Variants in KAT14 observed in about 807,000 individuals in gnomAD.
The protein encoded by KAT14 is lysine acetyltransferase 14.
In KAT14, 66 loss-of-function variants were observed where a neutral mutation model predicts 78.4. The observed-to-expected ratio is 0.84, with a 90% CI of 0.69 to 1.03. The LOEUF (loss-of-function observed/expected upper bound fraction) is 1.03. Among genes scored for constraint, KAT14 ranks in the 50% least tolerant of loss-of-function variants. The pLI is 0.00. For synonymous variants in KAT14, 344 were observed against 359.4 expected (o/e 0.96, Z 0.48); for missense variants, 870 against 972.5 (o/e 0.89, Z 1.40).
rs572986807 is a variant in KAT14, at chr20:18,150,948, G to A, written c.500+6G>A. 4 of 1,613,358 alleles carry A rather than the reference G, an allele frequency of 2.5e-6. No homozygotes were observed. The highest frequency in any genetic ancestry group is 1.7e-6 in the Non-Finnish European group (2 of 1,179,536). Reference sequence around the variant, plus strand: ...ACTTTTTTACTAGGGAATAGGTAATGTGTTTTTAAAAAATCTTATACTTCA... The same window carrying A: ...ACTTTTTTACTAGGGAATAGGTAATATGTTTTTAAAAAATCTTATACTTCA... On this transcript the variant is annotated splice_donor_region_variant and intron_variant, in intron 4 of 10. Transcript: ENST00000688188.
chr20:18,157,436 TTC>T (rs1201107816), intron 4 of KAT14, among the ~76,000 whole-genome samples: 4 of 152,192 alleles, frequency 2.6e-5, no homozygotes, highest in Admixed American at 1.3e-4. Flanking sequence ...TTGCCCAGAC[TTC>T]TGTTTGTTTA....
Position 18,162,435 on chromosome 20 carries a change from C to T in KAT14, c.1158C>T (p.Pro386=). The T allele has an allele frequency of 6.2e-7, 1 of 1,614,086 alleles. No individual in the cohort carries two copies. Among genetic ancestry groups the T allele is most frequent in the Non-Finnish European group, 8.5e-7 (1 of 1,180,010 alleles). ...ACCCAGGGATGGAGTACGTCCCACCCCCTGCTGGGTCAGTAGCTTCTGGGC... is the reference window on the plus strand; with the variant it reads ...ACCCAGGGATGGAGTACGTCCCACCTCCTGCTGGGTCAGTAGCTTCTGGGC... ...VIDPGMEYVP[P]PAGSVASGPV... is the part of the protein sequence containing the mutation. Residue 386 remains proline (P), a synonymous_variant, in exon 7 of 11, where the codon CCC becomes CCT. Transcript: ENST00000688188.
At chr20:18,154,040 C>A (rs552271818) in intron 4 of KAT14, among the ~76,000 whole-genome samples, 2 of 152,290 alleles carry the variant, frequency 1.3e-5, no homozygotes, top group African/African-American at 2.4e-5. Context: ...AATTAGAAAT[C>A]ACTTTATGAT....
intron 7 of KAT14, among the ~76,000 whole-genome samples, chr20:18,173,584 C>CAAAA (rs2038930277): frequency 6.6e-6 from 1 of 150,974 alleles, no homozygotes; most frequent in Non-Finnish European, 1.5e-5. Flanking sequence ...TTTATCTTTT[C>CAAAA]CTCTTCTGCA....
At chr20:18,145,425 CT>C in intron 3 of KAT14, 74 bp downstream of exon 3, 2 of 1,580,120 alleles carry the variant, frequency 1.3e-6, no homozygotes, top group South Asian at 1.2e-5. Flanking sequence ...TATCTAGAAA[CT>C]TAGGGATGAG....
At chr20:18,168,013 G>C (rs1292988584) in intron 7 of KAT14, among the ~76,000 whole-genome samples, 2 of 151,710 alleles carry the variant, frequency 1.3e-5, no homozygotes. Context: ...TTAATTTCTT[G>C]CTGGACTGCT....
intron 7 of KAT14, among the ~76,000 whole-genome samples, chr20:18,163,783 G>A (rs1195204700): frequency 6.6e-6 from 1 of 152,070 alleles, no homozygotes. Context: ...TGTGGTGTGT[G>A]GGCCCTTTCA....
In KAT14 at chr20:18,159,069, T is replaced by A. The variant is rs2038323172; in HGVS notation, c.501-15T>A. The A allele has an allele frequency of 1.3e-6, 2 of 1,589,978 alleles. No individual in the cohort carries two copies. Among genetic ancestry groups the A allele is most frequent in the African/African-American group, 2.7e-5 (2 of 72,994 alleles). ...GCAAAAGTGCCAATCATTTTTAAAT[T>A]CTTGGACTCTTTAGGAAAAAGACGT... On this transcript the variant is annotated splice_polypyrimidine_tract_variant and intron_variant, in intron 4 of 10. Coordinates refer to ENST00000688188, the MANE Select transcript of KAT14 (RefSeq NM_001392073.1).
Position 18,142,414 on chromosome 20 carries a change from G to A in KAT14, c.-247G>A. 6.6e-7 allele frequency: 1 copy of A among 1,506,556 alleles called. No homozygotes were observed. Among genetic ancestry groups the A allele is most frequent in the Non-Finnish European group, 8.8e-7 (1 of 1,131,114 alleles). The allele number at this position is 1,506,556 out of a possible 1,614,324, so 93.3% of individuals were successfully genotyped here. ...CACGAGTTTGTGTGTGTGTGTTGAT[G>A]GAGAGTAGCTTAGTAGTATCTTCAT... is the stretch of plus-strand genomic sequence containing the variant. On this transcript the variant is annotated 5_prime_UTR_variant, in exon 2 of 11. An upstream start codon of the reference 5' UTR is lost. Coordinates refer to ENST00000688188, the MANE Select transcript of KAT14 (RefSeq NM_001392073.1).
rs1266684169 is a variant in KAT14 at position 18,142,788 on chromosome 20, A to G, written c.128A>G (p.Glu43Gly). 6.2e-7 allele frequency: 1 copy of G among 1,614,206 alleles called. No homozygotes were observed. The change falls in exon 2 of 11, where the codon GAG (glutamate) becomes GGG (glycine). Residue 43 changes from glutamate to glycine, a missense_variant. By Grantham distance (98) the Glu-to-Gly change is moderately conservative. Coordinates refer to ENST00000688188, the MANE Select transcript of KAT14 (RefSeq NM_001392073.1). ...GAGACGCTCCTGATCGTCGAATCCG[A>G]GGATCAGGCATCAGTGGACTTATCG... ...EGETLLIVES[E>G]DQASVDLSHD...
chr20:18,180,968 GC>G (rs1421940844), intron 7 of KAT14, among the ~76,000 whole-genome samples: 1 of 152,084 alleles, frequency 6.6e-6, no homozygotes, highest in African/African-American at 2.4e-5. Flanking sequence ...GTAGTAGTTG[GC>G]CCCAGTGGCT....
intron 4 of KAT14, among the ~76,000 whole-genome samples, chr20:18,157,771 G>C (rs1474308458): frequency 6.6e-6 from 1 of 152,172 alleles, no homozygotes; most frequent in African/African-American, 2.4e-5. Context: ...CCACATTGCA[G>C]TATGTGATAG....
chr20:18,183,577 A>G (rs1177653817), intron 9 of KAT14: 49 of 974,920 alleles, frequency 5.0e-5, no homozygotes, highest in Non-Finnish European at 5.7e-5. Context: ...ATGTTTAGAT[A>G]CCAGGTAATG....
intron 4 of KAT14, among the ~76,000 whole-genome samples, chr20:18,157,420 A>G (rs2038263435): frequency 6.6e-6 from 1 of 152,146 alleles, no homozygotes; most frequent in Non-Finnish European, 1.5e-5. Context: ...ATGAGGTCTC[A>G]CTATGTTGCC....
chr20:18,142,316 A>G lies in KAT14; in HGVS notation c.-345A>G, dbSNP rs188442064. ...TTTGACTGAGCAACTTGAAGCAGAA[A>G]GAGAGAAGATGTTATTGGCAAAAGG... On this transcript the variant is annotated 5_prime_UTR_variant, in exon 2 of 11. Coordinates refer to ENST00000688188, the MANE Select transcript of KAT14 (RefSeq NM_001392073.1). 6 of 1,537,078 alleles carry G rather than the reference A, an allele frequency of 3.9e-6. No individual in the cohort carries two copies. Among genetic ancestry groups the G allele is most frequent in the Middle Eastern group, 1.7e-4 (1 of 5,988 alleles).
intron 1 of KAT14, among the ~76,000 whole-genome samples, chr20:18,140,230 G>A (rs2037479163): frequency 1.3e-5 from 2 of 151,970 alleles, no homozygotes; most frequent in Non-Finnish European, 2.9e-5. Flanking sequence ...AGGACAGGAA[G>A]ACCTGCAGTT....
intron 2 of KAT14, 110 bp downstream of exon 2, chr20:18,143,029 A>G (rs760721010): frequency 1.4e-4 from 199 of 1,456,902 alleles, no homozygotes; most frequent in Non-Finnish European, 1.7e-4. Context: ...AAGGATAATT[A>G]TATTTATTCT....
intron 7 of KAT14, among the ~76,000 whole-genome samples, chr20:18,176,257 C>G (rs562374726): frequency 1.3e-5 from 2 of 148,942 alleles, no homozygotes; most frequent in East Asian, 2.0e-4. Flanking sequence ...GCCGAGATGA[C>G]ACCTCTGCAT....
At chr20:18,176,530 A>G (rs1229818915) in intron 7 of KAT14, among the ~76,000 whole-genome samples, 2 of 152,138 alleles carry the variant, frequency 1.3e-5, no homozygotes, top group African/African-American at 2.4e-5. Context: ...GCACTGCTCT[A>G]TGGGGGTTCA....
Sources: allele counts gnomAD v4.1 joint callset (sites outside exome capture counted in the v4.1 genomes callset), GRCh38; gene constraint gnomAD v4.1.1; transcripts MANE v1.5; gene names NCBI Gene and HGNC (gene_info 2026-07-23, HGNC 2026-07-21).